The following PPP2R2C variants were observed in gnomAD, a reference collection of about 807,000 sequenced individuals.
PPP2R2C encodes the protein protein phosphatase 2, regulatory subunit B, gamma.
Under a neutral mutation model 45.3 loss-of-function variants are expected in PPP2R2C, and 10 were observed. The ratio of observed to expected loss-of-function variants is 0.22; its 90% CI spans 0.14 to 0.37. PPP2R2C has a LOEUF of 0.37. Ranked by LOEUF, PPP2R2C falls within the 10% of genes least tolerant of loss-of-function variation. The pLI is 1.00. For missense variants in PPP2R2C, 308 were observed against 619.7 expected (o/e 0.50, Z 5.34); for synonymous variants, 257 against 245.4 (o/e 1.05, Z -0.44).
chr4:6,488,394 T>C (rs772547797), intron 2 of PPP2R2C, among the ~76,000 whole-genome samples: 1 of 152,160 alleles, frequency 6.6e-6, no homozygotes, highest in Non-Finnish European at 1.5e-5. Flanking sequence ...TATAAACAGT[T>C]TGATCCTGGC....
At chr4:6,551,820 G>C (rs189949103) in intron 1 of PPP2R2C, among the ~76,000 whole-genome samples, 1 of 152,204 alleles carries the variant, frequency 6.6e-6, no homozygotes, top group Non-Finnish European at 1.5e-5. Context: ...ACCAACAAGC[G>C]ACCTCGGTGT....
rs559173182 is a variant in PPP2R2C, at chr4:6,430,082, G to A, written c.70+42078C>T. On this transcript the variant is annotated intron_variant, in intron 1 of 8. Coordinates refer to ENST00000382599, the MANE Select transcript of PPP2R2C (RefSeq NM_020416.4). ...AGTCCCCACCTCATAAGTGGGCCACGATCAAGGCCTTGAATTTCCATTTAA... is the reference window on the plus strand; with the variant it reads ...AGTCCCCACCTCATAAGTGGGCCACAATCAAGGCCTTGAATTTCCATTTAA... 9.9e-5 allele frequency among the ~76,000 whole-genome samples: 15 copies of A among 152,246 alleles called. No homozygotes were observed. The East Asian group carries it at 2.5e-3, about 25-fold the overall frequency.
At chr4:6,362,329 C>T (rs373361867) in intron 5 of PPP2R2C, among the ~76,000 whole-genome samples, 15 of 152,088 alleles carry the variant, frequency 9.9e-5, no homozygotes, top group East Asian at 1.9e-4. Flanking sequence ...GTCTGGGGCT[C>T]AGGCCTGGGG....
intron 1 of PPP2R2C, among the ~76,000 whole-genome samples, chr4:6,469,974 T>A (rs1043064507): frequency 5.9e-5 from 9 of 152,186 alleles, no homozygotes; most frequent in African/African-American, 2.2e-4. Flanking sequence ...CATCTCAAGG[T>A]GGGGATAAGG....
At chr4:6,399,276 T>C (rs1717257729) in intron 1 of PPP2R2C, among the ~76,000 whole-genome samples, 1 of 152,194 alleles carries the variant, frequency 6.6e-6, no homozygotes, top group African/African-American at 2.4e-5. Flanking sequence ...AAGTCTTCGT[T>C]TGCAGTAAAA....
At position 6,504,456 on chromosome 4, in the gene PPP2R2C, G is replaced by GA. The variant is rs770647284; in HGVS notation, c.49+30814dup. Among the ~76,000 whole-genome samples the GA allele has an allele frequency of 2.8e-3, 415 of 147,500 alleles. 1 individual carries two copies. Among genetic ancestry groups the GA allele is most frequent in the African/African-American group, 8.4e-3 (337 of 40,260 alleles). ...ATGTAAGAATAAATAAAACCCAAAA[G>GA]AAAAAAAAAATCAACTGAGATGGAC... On this transcript the variant is annotated intron_variant, in intron 2 of 9. Coordinates refer to the PPP2R2C transcript ENST00000506140.
rs533365414 is a variant in PPP2R2C, at chr4:6,345,726, C to T, written c.790+2120G>A. 3.4e-4 allele frequency among the ~76,000 whole-genome samples: 52 copies of T among 152,172 alleles called. 1 individual carries two copies. Among genetic ancestry groups the T allele is most frequent in the South Asian group, 1.2e-3 (6 of 4,806 alleles). On this transcript the variant is annotated intron_variant, in intron 6 of 8. Transcript: ENST00000382599. The surrounding 1 kb of genome is among the most constrained non-coding windows in gnomAD (Gnocchi z 5.3). ...GGCCAGTGAGCTGGCTGTGGGACTG[C>T]GGACTGAGACTATACATATGCCCTG...
chr4:6,361,060 T>C (rs1323087077), intron 5 of PPP2R2C, among the ~76,000 whole-genome samples: 1 of 152,210 alleles, frequency 6.6e-6, no homozygotes, highest in African/African-American at 2.4e-5. Context: ...AAATATAGTC[T>C]CATTCTGAGG....
chr4:6,510,222 C>CTT (rs1385490840), intron 2 of PPP2R2C, among the ~76,000 whole-genome samples: 1 of 151,234 alleles, frequency 6.6e-6, no homozygotes, highest in Non-Finnish European at 1.5e-5. Context: ...GCCTGGCCCC[C>CTT]TTTCACCACC....
chr4:6,329,246 T>G lies in PPP2R2C; in HGVS notation c.1052+16A>C, dbSNP rs1229966049. On this transcript the variant is annotated intron_variant, in intron 8 of 8. Transcript: ENST00000382599. This position sits in a 1 kb window ranked among gnomAD's most constrained non-coding sequence, Gnocchi z 5.8. ...CCCTACGGTGAGGTGAGGTGCGGGCTGAGGTCAGGGCTTACCTGTCGCTCC... is the reference window on the plus strand; with the variant it reads ...CCCTACGGTGAGGTGAGGTGCGGGCGGAGGTCAGGGCTTACCTGTCGCTCC... 8 of 1,610,760 alleles carry G rather than the reference T, an allele frequency of 5.0e-6. No homozygotes were observed. The highest frequency in any genetic ancestry group is 6.8e-6 in the Non-Finnish European group (8 of 1,177,316).
intron 2 of PPP2R2C, among the ~76,000 whole-genome samples, chr4:6,529,693 C>T (rs919268752): frequency 1.3e-5 from 2 of 152,228 alleles, no homozygotes; most frequent in Non-Finnish European, 2.9e-5. Flanking sequence ...AGAGGGCCCA[C>T]ATCTCTCTGC....
At chr4:6,495,411 G>A (rs1361437681) in intron 2 of PPP2R2C, among the ~76,000 whole-genome samples, 1 of 152,214 alleles carries the variant, frequency 6.6e-6, no homozygotes, top group Non-Finnish European at 1.5e-5. Flanking sequence ...CCGGTGCCTG[G>A]CACAGTACCT....
intron 8 of PPP2R2C, among the ~76,000 whole-genome samples, chr4:6,326,780 A>G (rs6446492): frequency 0.7 from 106,306 of 152,186 alleles, 37,895 homozygotes; most frequent in East Asian, 1. Flanking sequence ...TCTCCACAGC[A>G]CGCTGCCCAT....
intron 1 of PPP2R2C, among the ~76,000 whole-genome samples, chr4:6,434,359 C>CTTTTTTTTTTTTT (rs34292067): frequency 3.4e-5 from 4 of 116,134 alleles, no homozygotes; most frequent in Admixed American, 1.0e-4. Context: ...TTTTTCTTTT[C>CTTTTTTTTTTTTT]TTTTTTTTTT....
intron 5 of PPP2R2C, among the ~76,000 whole-genome samples, chr4:6,365,487 A>G (rs1171454251): frequency 6.6e-6 from 1 of 152,182 alleles, no homozygotes; most frequent in Non-Finnish European, 1.5e-5. Flanking sequence ...AGCTCCTGGT[A>G]AAGGAGACAC....
chr4:6,468,632 C>T (rs548216116), intron 1 of PPP2R2C, among the ~76,000 whole-genome samples: 1 of 152,260 alleles, frequency 6.6e-6, no homozygotes, highest in Admixed American at 6.5e-5. Context: ...CCTGGTCAGC[C>T]TGAACCACCT....
chr4:6,425,903 C>T (rs1275496541), intron 1 of PPP2R2C, among the ~76,000 whole-genome samples: 1 of 151,778 alleles, frequency 6.6e-6, no homozygotes, highest in Non-Finnish European at 1.5e-5. Flanking sequence ...TATGTGTGTG[C>T]ATGCACACGT....
At chr4:6,396,018 C>G (rs1402475307) in intron 1 of PPP2R2C, among the ~76,000 whole-genome samples, 1 of 152,202 alleles carries the variant, frequency 6.6e-6, no homozygotes, top group Admixed American at 6.5e-5. Context: ...CCGGCCACCC[C>G]AGTGGGACCT....
At chr4:6,472,019 GTGGGGTGGGA>G (rs1560572976) in intron 1 of PPP2R2C, 131 bp downstream of exon 1, 15 of 1,052,682 alleles carry the variant, frequency 1.4e-5, no homozygotes, top group Admixed American at 1.1e-4. Context: ...ATGGGGTGGG[GTGGGGTGGGA>G]TGGGGTGGGG....
Sources: gnomAD v4.1 joint callset for allele counts (sites outside exome capture counted in the v4.1 genomes callset) on GRCh38, gnomAD v4.1.1 for gene constraint, Gnocchi (gnomAD v3.1) non-coding constraint, MANE v1.5 for transcripts, NCBI Gene and HGNC (gene_info 2026-07-23, HGNC 2026-07-21) for gene names.